Variants in CDH12 observed in about 807,000 individuals in gnomAD.
CDH12 encodes the protein cadherin-12.
A neutral mutation model predicts 74.1 loss-of-function variants in CDH12; 41 were observed. The observed-to-expected ratio is 0.55, with a 90% CI of 0.43 to 0.72. The LOEUF is 0.72. Ranked by LOEUF, CDH12 falls within the 30% of genes least tolerant of loss-of-function variation. CDH12 has a pLI of 0.00. For synonymous variants in CDH12, 399 were observed against 355.0 expected, an observed-to-expected ratio of 1.12 and a Z score of -1.39; for missense variants, 945 against 977.2, an observed-to-expected ratio of 0.97 and a Z score of 0.44.
chr5:22,355,415 T>C (rs1165179818), intron 3 of CDH12, among the ~76,000 whole-genome samples: 1 of 151,736 alleles, frequency 6.6e-6, no homozygotes, highest in Non-Finnish European at 1.5e-5. Context: ...AACAATAACA[T>C]TGGCTAAGTT....
chr5:22,271,566 T>G (rs1736401515), intron 3 of CDH12, among the ~76,000 whole-genome samples: 1 of 152,224 alleles, frequency 6.6e-6, no homozygotes, highest in African/African-American at 2.4e-5. Flanking sequence ...TATATTACTT[T>G]GTTGAGATCC....
intron 2 of CDH12, among the ~76,000 whole-genome samples, chr5:22,432,526 C>T (rs1228996554): frequency 6.6e-6 from 1 of 151,626 alleles, no homozygotes; most frequent in Non-Finnish European, 1.5e-5. Flanking sequence ...ACTATGTATA[C>T]ACATATACAC....
At chr5:22,355,589 T>A (rs959004735) in intron 3 of CDH12, among the ~76,000 whole-genome samples, 1 of 151,554 alleles carries the variant, frequency 6.6e-6, no homozygotes, top group African/African-American at 2.4e-5. Flanking sequence ...CAATATCTTT[T>A]AAAAAGAACC....
chr5:22,781,382 T>C (rs1295900517), intron 1 of CDH12, among the ~76,000 whole-genome samples: 1 of 152,186 alleles, frequency 6.6e-6, no homozygotes, highest in Non-Finnish European at 1.5e-5. Context: ...ACAGGATAAG[T>C]ATAATTTATA....
At chr5:22,758,612 A>G (rs1746054220) in intron 1 of CDH12, among the ~76,000 whole-genome samples, 1 of 151,998 alleles carries the variant, frequency 6.6e-6, no homozygotes, top group African/African-American at 2.4e-5. Flanking sequence ...ATTCTCTTAT[A>G]AGGCAGTTTT....
intron 3 of CDH12, among the ~76,000 whole-genome samples, chr5:22,275,572 A>G (rs1051832674): frequency 2.0e-5 from 3 of 152,160 alleles, no homozygotes; most frequent in African/African-American, 7.2e-5. Context: ...ATATTAGAAG[A>G]CTATAATCAG....
chr5:22,301,875 C>T (rs1223676702), intron 3 of CDH12, among the ~76,000 whole-genome samples: 1 of 151,464 alleles, frequency 6.6e-6, no homozygotes, highest in East Asian at 1.9e-4. Context: ...CACCATGTTG[C>T]CCAGGCTGCT....
intron 4 of CDH12, among the ~76,000 whole-genome samples, chr5:22,085,220 T>A (rs1295604076): frequency 2.6e-5 from 4 of 152,128 alleles, no homozygotes; most frequent in Non-Finnish European, 4.4e-5. Context: ...AGATATTTAG[T>A]TGTGAAATAC....
chr5:22,010,689 A>G (rs1737245206), intron 5 of CDH12, among the ~76,000 whole-genome samples: 1 of 152,154 alleles, frequency 6.6e-6, no homozygotes, highest in Non-Finnish European at 1.5e-5. Context: ...TAAATTCATT[A>G]TTCTCATTTG....
intron 5 of CDH12, among the ~76,000 whole-genome samples, chr5:22,046,222 A>C: frequency 6.6e-6 from 1 of 152,186 alleles, no homozygotes; most frequent in East Asian, 1.9e-4. Context: ...GACAAGATTT[A>C]GAACTAAACA....
intron 1 of CDH12, among the ~76,000 whole-genome samples, chr5:22,794,254 C>G (rs1748072161): frequency 6.6e-6 from 1 of 152,176 alleles, no homozygotes; most frequent in East Asian, 1.9e-4. Flanking sequence ...CATTCAGAAT[C>G]AATTGGACAA....
At chr5:21,815,826 A>C (rs1011144006) in intron 9 of CDH12, among the ~76,000 whole-genome samples, 14 of 152,200 alleles carry the variant, frequency 9.2e-5, no homozygotes, top group African/African-American at 3.4e-4. Flanking sequence ...AAAAGGCTCA[A>C]TATCAAGACT....
At chr5:22,744,286 G>A (rs571153633) in intron 1 of CDH12, among the ~76,000 whole-genome samples, 1 of 151,938 alleles carries the variant, frequency 6.6e-6, no homozygotes, top group Non-Finnish European at 1.5e-5. Context: ...AAAATTAGCC[G>A]GGCATGGTGG....
intron 1 of CDH12, among the ~76,000 whole-genome samples, chr5:22,820,051 ACATT>A (rs1369312647): frequency 1.3e-5 from 2 of 148,730 alleles, no homozygotes; most frequent in African/African-American, 4.9e-5. Context: ...ATATACATAT[ACATT>A]GAGACCTAAA....
intron 2 of CDH12, among the ~76,000 whole-genome samples, chr5:22,471,083 T>A (rs191499031): frequency 4.2e-4 from 56 of 132,128 alleles, no homozygotes; most frequent in Non-Finnish European, 7.7e-4. Flanking sequence ...TCTTTTCTTG[T>A]CAAGCTTCTA....
chr5:22,780,651 C>T (rs910308520), intron 1 of CDH12, among the ~76,000 whole-genome samples: 4 of 152,020 alleles, frequency 2.6e-5, no homozygotes, highest in Non-Finnish European at 2.9e-5. Flanking sequence ...GTCCCTCTCA[C>T]GATATGTGGG....
At chr5:21,951,173 GT>G (rs1184482713) in intron 6 of CDH12, among the ~76,000 whole-genome samples, 1 of 152,060 alleles carries the variant, frequency 6.6e-6, no homozygotes, top group Non-Finnish European at 1.5e-5. Flanking sequence ...AAATAACATT[GT>G]TTTCAATACG....
At chr5:22,102,032 G>A (rs1354315551) in intron 4 of CDH12, among the ~76,000 whole-genome samples, 2 of 152,154 alleles carry the variant, frequency 1.3e-5, no homozygotes, top group Admixed American at 6.5e-5. Flanking sequence ...ATAGATTGCT[G>A]ACCTCTAAAA....
intron 6 of CDH12, among the ~76,000 whole-genome samples, chr5:21,943,051 C>T (rs1169132564): frequency 3.3e-5 from 5 of 152,064 alleles, no homozygotes; most frequent in African/African-American, 1.2e-4. Context: ...GATGGTTTTA[C>T]AAGTGTTTGA....
Sources: allele counts gnomAD v4.1 joint callset (sites outside exome capture counted in the v4.1 genomes callset), GRCh38; gene constraint gnomAD v4.1.1; transcripts MANE v1.5; gene names NCBI Gene and HGNC (gene_info 2026-07-23, HGNC 2026-07-21).